CENPF: variants seen among roughly 807,000 people sequenced by gnomAD.
The protein encoded by CENPF is centromere protein F, also known as AH antigen.
In CENPF, 214 loss-of-function variants were observed where a neutral mutation model predicts 307.3. The ratio of observed to expected loss-of-function variants is 0.70; its 90% confidence interval spans 0.62 to 0.78. The LOEUF (loss-of-function observed/expected upper bound fraction) is 0.78, where lower values mean the gene tolerates loss of function less well. Ranked by LOEUF, CENPF falls within the 30% of genes least tolerant of loss-of-function variation. The probability of loss-of-function intolerance (pLI) is 0.00; values close to 1 mark genes in which losing one functional copy is unlikely to be tolerated. For synonymous variants in CENPF, 1,259 were observed against 1,270.6 expected, an observed-to-expected ratio of 0.99 and a Z score of 0.19; for missense variants, 3,401 against 3,483.9, an observed-to-expected ratio of 0.98 and a Z score of 0.60.
chr1:214,609,509 C>T (rs1657143756), intron 1 of CENPF, among the ~76,000 whole-genome samples: 1 of 152,052 alleles, frequency 6.6e-6, no homozygotes, highest in African/African-American at 2.4e-5. Context: ...GGAGCATATG[C>T]AGAATATCTT....
chr1:214,658,756 G>A, intron 18 of CENPF, 94 bp from the exon 19 acceptor site: 1 of 1,267,822 alleles, frequency 7.9e-7, no homozygotes, highest in Non-Finnish European at 1.1e-6. Context: ...TTTGGAGTTT[G>A]CATTATCCTT....
At chr1:214,651,938 T>G in intron 15 of CENPF, 52 bp downstream of exon 15, 20 of 1,433,446 alleles carry the variant, frequency 1.4e-5, no homozygotes, top group Admixed American at 2.5e-5. Flanking sequence ...ATTTTGATCA[T>G]GGTAAGGCTT....
chr1:214,605,874 A>C, intron 1 of CENPF: 1 of 1,597,284 alleles, frequency 6.3e-7, no homozygotes, highest in Non-Finnish European at 8.5e-7. Flanking sequence ...AGCACGGGCG[A>C]CGTGATCTTG....
chr1:214,643,872 A>G (rs1658205763), intron 12 of CENPF, among the ~76,000 whole-genome samples: 1 of 152,228 alleles, frequency 6.6e-6, no homozygotes, highest in Non-Finnish European at 1.5e-5. Context: ...AATTGAATAC[A>G]TATTTGTTTA....
chr1:214,632,437 AAAG>A (rs1228418913), intron 9 of CENPF, 40 bp from the exon 10 acceptor site: 1 of 1,591,982 alleles, frequency 6.3e-7, no homozygotes, highest in East Asian at 2.2e-5. Context: ...ATGAAAAAGT[AAAG>A]AACATGAAAA....
chr1:214,625,991 G>A (rs1657645583), intron 7 of CENPF, among the ~76,000 whole-genome samples: 1 of 152,154 alleles, frequency 6.6e-6, no homozygotes, highest in African/African-American at 2.4e-5. Context: ...ATATTTGTGT[G>A]TGTATGTTTA....
At chr1:214,648,509 G>T in intron 13 of CENPF, 166 bp from the exon 14 acceptor site, 2 of 782,536 alleles carry the variant, frequency 2.6e-6, no homozygotes, top group Non-Finnish European at 2.3e-6. Flanking sequence ...CTTACTAGTA[G>T]GTTTTGAGAA....
chr1:214,618,557 G>T lies in CENPF; in HGVS notation c.360-16G>T. On this transcript the variant is annotated splice_polypyrimidine_tract_variant and intron_variant, in intron 3 of 19. Transcript: ENST00000366955. Reference sequence around the variant, plus strand: ...CTCTAACTGATTTGTCTGCCTCTTGGGTCCTTTTCTAACAGGTGTAAATCT... The same window carrying T: ...CTCTAACTGATTTGTCTGCCTCTTGTGTCCTTTTCTAACAGGTGTAAATCT... The T allele has an allele frequency of 6.2e-7, 1 of 1,612,422 alleles. No individual in the cohort carries two copies. Among genetic ancestry groups the T allele is most frequent in the Non-Finnish European group, 8.5e-7 (1 of 1,179,406 alleles).
rs755781585 is a variant in CENPF at position 214,663,637 on chromosome 1, G to A, written c.9188G>A (p.Arg3063Gln). The change falls in exon 20 of 20, where the codon CGA (arginine) becomes CAA (glutamine). Residue 3063 changes from arginine to glutamine, a missense_variant. Arg to Gln is a conservative substitution (Grantham distance 43). Coordinates refer to ENST00000366955, the MANE Select transcript of CENPF (RefSeq NM_016343.4). ...RSPVDSGTIL[R>Q]EPTTKSVPVN... ...CCAGTAGATTCAGGCACCATCCTCC[G>A]AGAACCCACCACGAAATCCGTCCCA... 10 of 1,613,970 alleles carry A rather than the reference G, an allele frequency of 6.2e-6. No homozygotes were observed. In the Admixed American group the frequency reaches 8.3e-5, roughly 13 times the overall value.
chr1:214,648,472 A>C lies in CENPF; in HGVS notation c.7831-203A>C, dbSNP rs75276683. On this transcript the variant is annotated intron_variant, in intron 13 of 19. Coordinates refer to ENST00000366955, the MANE Select transcript of CENPF (RefSeq NM_016343.4). ...CTTCCCTTATTACTATTCTTCTATT[A>C]AATCTTTTCTGGGAAGAAAAGGTAA... 4,497 of 735,948 alleles carry C rather than the reference A, an allele frequency of 6.1e-3. 126 individuals carry two copies. Among genetic ancestry groups the C allele is most frequent in the African/African-American group, 0.061 (3,566 of 58,540 alleles). The allele number at this position is 735,948 out of a possible 1,614,324, so 45.6% of individuals were successfully genotyped here.
At position 214,651,694 on chromosome 1, in the gene CENPF, T is replaced by G. The variant is rs200927470; in HGVS notation, c.7984-16T>G. On this transcript the variant is annotated splice_polypyrimidine_tract_variant and intron_variant, in intron 14 of 19. Transcript: ENST00000366955. ...ATGAGGAGGTGCTATTATGATTTTA[T>G]TATTTTTCTGTTTAGGATCAATTGA... 54 of 1,550,302 alleles carry G rather than the reference T, an allele frequency of 3.5e-5. No individual in the cohort carries two copies. In the Admixed American group the frequency reaches 1.1e-3, roughly 33 times the overall value.
intron 12 of CENPF, among the ~76,000 whole-genome samples, chr1:214,643,888 T>A (rs12097817): frequency 0.073 from 11,184 of 152,288 alleles, 501 homozygotes; most frequent in South Asian, 0.14. Flanking sequence ...GTTTAATTGC[T>A]TGTAACTTTG....
At position 214,643,290 on chromosome 1, in the gene CENPF, G is replaced by T. The variant is rs763841653; in HGVS notation, c.4952G>T (p.Ser1651Ile). ...CTCCAGCTACAAGGTCTGGACTTAA[G>T]TTCTCGGTCTTTGCTTGGCATCGAC... ...ARLQLQGLDL[S>I]SRSLLGIDTE... The change falls in exon 12 of 20, where the codon AGT becomes ATT. Residue 1651 changes from serine to isoleucine, a missense_variant. By Grantham distance (142) the Ser-to-Ile change is moderately radical. Transcript: ENST00000366955. 7 of 1,518,206 alleles carry T rather than the reference G, an allele frequency of 4.6e-6. No individual in the cohort carries two copies. In the East Asian group the frequency reaches 1.6e-4, roughly 35 times the overall value. The allele number at this position is 1,518,206 out of a possible 1,614,324, so 94.0% of individuals were successfully genotyped here.
In CENPF at chr1:214,640,439, A is replaced by G. The variant is rs3795524; in HGVS notation, c.2101A>G (p.Met701Val). The part of the protein sequence containing the change: ...VEVETQKLAY[M>V]ELQQKAEFSD... ...GGTAGAGACCCAGAAACTAGCTTAT[A>G]TGGAGCTACAGCAGAAAGCTGAGTT... Residue 701 changes from methionine (M) to valine (V), a missense_variant, in exon 12 of 20, where the codon ATG (methionine) becomes GTG (valine). Transcript: ENST00000366955. 101,598 of 1,614,010 alleles carry G rather than the reference A, an allele frequency of 0.063. 4,158 individuals are homozygous for G. Among genetic ancestry groups the G allele is most frequent in the South Asian group, 0.15 (13,213 of 91,056 alleles).
At chr1:214,647,547 C>A in intron 13 of CENPF, 147 bp downstream of exon 13, 1 of 894,002 alleles carries the variant, frequency 1.1e-6, no homozygotes, top group Non-Finnish European at 1.6e-6. Context: ...TTTACTGGGT[C>A]TTGAATTGCA....
chr1:214,610,932 T>C (rs1049747927), intron 1 of CENPF, among the ~76,000 whole-genome samples: 1 of 152,220 alleles, frequency 6.6e-6, no homozygotes. Context: ...ATTTATTGAA[T>C]AGGGAATCCT....
chr1:214,642,467 C>T lies in CENPF; in HGVS notation c.4129C>T (p.His1377Tyr). Residue 1377 changes from histidine (H) to tyrosine (Y), a missense_variant, in exon 12 of 20, where the codon CAC becomes TAC. Physicochemically the swap from His to Tyr is moderately conservative, Grantham distance 83 (BLOSUM62 2). Transcript: ENST00000366955. ...ATTTGGTGAACAACCAAATGAACAG[C>T]ACCCTGTGTCTTTGGCTCCATTGGA... is the stretch of plus-strand genomic sequence containing the variant. ...GEFGEQPNEQHPVSLAPLDES... is the reference protein window; with the variant it reads ...GEFGEQPNEQYPVSLAPLDES... 1 of 1,603,354 alleles carries T rather than the reference C, an allele frequency of 6.2e-7. No homozygotes were observed. Among genetic ancestry groups the T allele is most frequent in the Non-Finnish European group, 8.5e-7 (1 of 1,174,886 alleles).
chr1:214,654,443 T>C (rs1571727180), intron 16 of CENPF: 1 of 152,196 alleles, frequency 6.6e-6, no homozygotes, highest in African/African-American at 2.4e-5. Context: ...TGATGGCACG[T>C]ACCTATAGTC....
chr1:214,652,681 G>T, intron 15 of CENPF, 147 bp from the exon 16 acceptor site: 1 of 561,546 alleles, frequency 1.8e-6, no homozygotes, highest in South Asian at 2.7e-5. Context: ...CTGACCTCGT[G>T]ATCTGCCCAC....
Sources: allele counts gnomAD v4.1 joint callset (sites outside exome capture counted in the v4.1 genomes callset), GRCh38; gene constraint gnomAD v4.1.1; transcripts MANE v1.5; gene names NCBI Gene and HGNC (gene_info 2026-07-23, HGNC 2026-07-21).